Variants in ZDHHC5 observed in about 807,000 individuals in gnomAD.
ZDHHC5 encodes the protein palmitoyltransferase ZDHHC5.
ZDHHC5 carries 22 observed loss-of-function variants against 70.0 expected under a neutral mutation model. The observed-to-expected ratio is 0.31, with a 90% CI of 0.22 to 0.45. The LOEUF (loss-of-function observed/expected upper bound fraction) is 0.45. Ranked by LOEUF, ZDHHC5 falls within the 20% of genes least tolerant of loss-of-function variation. The pLI, the probability that ZDHHC5 is intolerant of heterozygous loss-of-function variation, is 1.00. For missense variants in ZDHHC5, 746 were observed against 926.9 expected, an observed-to-expected ratio of 0.80 and a Z score of 2.53; for synonymous variants, 313 against 347.8, an observed-to-expected ratio of 0.90 and a Z score of 1.11.
intron 3 of ZDHHC5, among the ~76,000 whole-genome samples, chr11:57,683,242 C>G: frequency 6.6e-6 from 1 of 152,176 alleles, no homozygotes; most frequent in East Asian, 1.9e-4. Flanking sequence ...ATACATTTTC[C>G]TTTGGATAGG....
chr11:57,682,377 CA>C, intron 2 of ZDHHC5, 44 bp from the exon 3 acceptor site: 1 of 1,573,866 alleles, frequency 6.4e-7, no homozygotes, highest in Non-Finnish European at 8.6e-7. Flanking sequence ...GGTTCGTGTC[CA>C]AAATATTAGA....
intron 10 of ZDHHC5, among the ~76,000 whole-genome samples, chr11:57,697,965 C>A (rs572958519): frequency 6.6e-6 from 1 of 151,116 alleles, no homozygotes; most frequent in Admixed American, 6.6e-5. Flanking sequence ...GAAACCCTGT[C>A]TCTACTAAAA....
In ZDHHC5 at chr11:57,700,684, G is replaced by C. The variant is rs1946431715; in HGVS notation, c.*653G>C. On this transcript the variant is annotated 3_prime_UTR_variant, in exon 12 of 12. Coordinates refer to ENST00000287169, the MANE Select transcript of ZDHHC5 (RefSeq NM_015457.3). ...AGTCTGGAATTTTGGTCACAAGAGG[G>C]AAGGACTTGGAGAGGAGAATTAGTT... 6.6e-6 allele frequency: 1 copy of C among 152,566 alleles called. No individual in the cohort carries two copies. The highest frequency in any genetic ancestry group is 2.1e-4 in the South Asian group (1 of 4,828). The allele number at this position is 152,566 out of a possible 1,614,324, so 9.5% of individuals were successfully genotyped here. A position where few individuals can be genotyped will look rare whatever the true frequency, so the allele number is the denominator to read the frequency against.
chr11:57,695,768 C>A, intron 8 of ZDHHC5, 152 bp from the exon 9 acceptor site: 1 of 1,063,228 alleles, frequency 9.4e-7, no homozygotes, highest in Non-Finnish European at 1.3e-6. Context: ...TGTACTCCAG[C>A]CTGGTCAACA....
intron 1 of ZDHHC5, 29 bp from the exon 2 acceptor site, chr11:57,671,992 C>T (rs1232988134): frequency 2.8e-6 from 1 of 363,218 alleles, no homozygotes; most frequent in Non-Finnish European, 4.9e-6. Flanking sequence ...TGAAAGAATT[C>T]TCTGATAAAG....
At chr11:57,696,171 T>C (rs1242534946) in intron 9 of ZDHHC5, 128 bp downstream of exon 9, 25 of 1,388,712 alleles carry the variant, frequency 1.8e-5, no homozygotes, top group Non-Finnish European at 2.2e-5. Flanking sequence ...CACCCAACAG[T>C]TGGTACTTGT....
At chr11:57,695,081 G>GGA (rs1344874353) in intron 8 of ZDHHC5, among the ~76,000 whole-genome samples, 1 of 152,118 alleles carries the variant, frequency 6.6e-6, no homozygotes, top group Non-Finnish European at 1.5e-5. Flanking sequence ...TGACCAACAT[G>GGA]GAGACACCCT....
chr11:57,681,897 A>C (rs1328341783), intron 2 of ZDHHC5, among the ~76,000 whole-genome samples: 1 of 152,212 alleles, frequency 6.6e-6, no homozygotes, highest in Non-Finnish European at 1.5e-5. Context: ...TCTCAGGCAT[A>C]TCCAATGCAA....
rs1462165020 is a variant in ZDHHC5 at position 57,698,947 on chromosome 11, C to T, written c.1511C>T (p.Ala504Val). The T allele has an allele frequency of 6.2e-7, 1 of 1,613,406 alleles. No individual in the cohort carries two copies. Among genetic ancestry groups the T allele is most frequent in the Non-Finnish European group, 8.5e-7 (1 of 1,179,968 alleles). ...GGCTATACCTCTCCCTTCCTGTCAG[C>T]CAGGCTGGCCCAGCAACGGGAAGCT... ...PLGYTSPFLS[A>V]RLAQQREAER... The change falls in exon 11 of 12, where the codon GCC (alanine) becomes GTC (valine). Residue 504 changes from alanine to valine, a missense_variant. Around this residue, in one of 6 missense-constraint regions of ZDHHC5, gnomAD observed 340 missense variants for 350.1 expected, o/e 0.97. Coordinates refer to ENST00000287169, the MANE Select transcript of ZDHHC5 (RefSeq NM_015457.3).
chr11:57,693,999 G>GTTTT, intron 8 of ZDHHC5, 84 bp downstream of exon 8: 2 of 1,214,612 alleles, frequency 1.6e-6, no homozygotes, highest in Non-Finnish European at 2.1e-6. Flanking sequence ...AGTTTCCTTT[G>GTTTT]TGTTTTTTTT....
rs781024795 is a variant in ZDHHC5, at chr11:57,673,040, T to G, written c.-51T>G. On this transcript the variant is annotated 5_prime_UTR_variant, in exon 2 of 12. Transcript: ENST00000287169. ...CCCATTTTCTTGTCTGTTCTGCCGC[T>G]GTGTGGGCCTGGGCTATGCGGCAGG... 1 of 1,563,384 alleles carries G rather than the reference T, an allele frequency of 6.4e-7. No individual in the cohort carries two copies. Among genetic ancestry groups the G allele is most frequent in the South Asian group, 1.1e-5 (1 of 89,910 alleles).
rs1946026676 is a variant in ZDHHC5 at position 57,673,089 on chromosome 11, A to G, written c.-2A>G. ...GGGCAGATTTCCCATCAGAGCTCCA[A>G]CATGCCCGCAGAGTCTGGAAAGAGA... On this transcript the variant is annotated 5_prime_UTR_variant, in exon 2 of 12. Transcript: ENST00000287169. 1 of 1,613,764 alleles carries G rather than the reference A, an allele frequency of 6.2e-7. No individual in the cohort carries two copies. The highest frequency in any genetic ancestry group is 8.5e-7 in the Non-Finnish European group (1 of 1,179,828).
intron 1 of ZDHHC5, among the ~76,000 whole-genome samples, chr11:57,671,118 G>T (rs562587108): frequency 6.6e-6 from 1 of 152,298 alleles, no homozygotes; most frequent in East Asian, 1.9e-4. Context: ...AGGGGCATGT[G>T]ACCTCTTGAG....
intron 10 of ZDHHC5, among the ~76,000 whole-genome samples, chr11:57,697,455 C>A (rs541701166): frequency 6.7e-6 from 1 of 149,448 alleles, no homozygotes; most frequent in Admixed American, 6.7e-5. Context: ...AGAGCGAGAC[C>A]GCATCTCAAA....
chr11:57,699,013 G>A lies in ZDHHC5; in HGVS notation c.1577G>A (p.Arg526Gln), dbSNP rs145781238. The A allele has an allele frequency of 1.9e-6, 3 of 1,609,260 alleles. No individual in the cohort carries two copies. The highest frequency in any genetic ancestry group is 1.3e-5 in the African/African-American group (1 of 74,928). The change falls in exon 11 of 12, where the codon CGA becomes CAA. Residue 526 changes from arginine (R) to glutamine (Q), a missense_variant. By Grantham distance (43) the Arg-to-Gln change is conservative. This residue lies in a region of ZDHHC5 where 340 missense variants were observed against 350.1 expected (regional missense o/e 0.97). Coordinates refer to ENST00000287169, the MANE Select transcript of ZDHHC5 (RefSeq NM_015457.3). Reference sequence around the variant, plus strand: ...TTGGTGCCAACTGGCCCAACACACCGAGAGCCCTCACCAGTCCGTTACGAC... The same window carrying A: ...TTGGTGCCAACTGGCCCAACACACCAAGAGCCCTCACCAGTCCGTTACGAC... ...PRLVPTGPTH[R>Q]EPSPVRYDNL... is the part of the protein sequence containing the mutation.
Position 57,691,546 on chromosome 11 carries a change from G to T in ZDHHC5, c.661-1065G>T, listed in dbSNP as rs368168762. On this transcript the variant is annotated intron_variant, in intron 6 of 11. Transcript: ENST00000287169. ...AATATCTATCTCCAAAGAAAGTCTT[G>T]GATGGTTTGGCATCATCACCTGAAA... 5.3e-5 allele frequency among the ~76,000 whole-genome samples: 8 copies of T among 152,074 alleles called. 1 individual carries two copies. Among genetic ancestry groups the T allele is most frequent in the South Asian group, 4.2e-4 (2 of 4,806 alleles).
Position 57,699,103 on chromosome 11 carries a change from C to G in ZDHHC5, c.1667C>G (p.Pro556Arg), listed in dbSNP as rs779516734. ...GAGAAGTTGCTGCGCCAGTCACCCC[C>G]ACTCCCGGGCCGTGAGGAAGAACCA... ...EREKLLRQSP[P>R]LPGREEEPGL... is the part of the protein sequence containing the mutation. Residue 556 changes from proline (P) to arginine (R), a missense_variant, in exon 11 of 12, where the codon CCA becomes CGA. This residue lies in a region of ZDHHC5 where 340 missense variants were observed against 350.1 expected (regional missense o/e 0.97). Transcript: ENST00000287169. The G allele has an allele frequency of 6.2e-7, 1 of 1,613,906 alleles. No individual in the cohort carries two copies. Among genetic ancestry groups the G allele is most frequent in the South Asian group, 1.1e-5 (1 of 91,062 alleles).
At position 57,699,383 on chromosome 11, in the gene ZDHHC5, A is replaced by T; in HGVS notation, c.1947A>T (p.Thr649=). ...AAGCCCAACCTGGTGTCTCTGAGACAGAAGAAGTGGCCTTGCAGCCATTAC... is the reference window on the plus strand; with the variant it reads ...AAGCCCAACCTGGTGTCTCTGAGACTGAAGAAGTGGCCTTGCAGCCATTAC... The part of the protein sequence containing the change: ...SQKAQPGVSE[T]EEVALQPLLT... Residue 649 remains threonine, a synonymous_variant, in exon 11 of 12, where the codon ACA becomes ACT. Transcript: ENST00000287169. The T allele has an allele frequency of 1.3e-6, 2 of 1,594,196 alleles. No homozygotes were observed. Among genetic ancestry groups the T allele is most frequent in the Non-Finnish European group, 8.6e-7 (1 of 1,169,420 alleles).
intron 4 of ZDHHC5, 135 bp downstream of exon 4, chr11:57,688,800 A>G: frequency 1.1e-6 from 1 of 942,958 alleles, no homozygotes; most frequent in Non-Finnish European, 1.4e-6. Flanking sequence ...GCTCTGTCAA[A>G]TGGTGTTAAT....
Sources: allele counts gnomAD v4.1 joint callset (sites outside exome capture counted in the v4.1 genomes callset), GRCh38; gene constraint gnomAD v4.1.1; regional missense constraint gnomAD v4.1.1; transcripts MANE v1.5; gene names NCBI Gene and HGNC (gene_info 2026-07-23, HGNC 2026-07-21).